Variants in EFCAB11 observed in about 807,000 individuals in gnomAD.
EFCAB11 encodes the protein EF-hand calcium binding domain 11.
Under a neutral mutation model 23.0 loss-of-function variants are expected in EFCAB11, and 14 were observed. The ratio of observed to expected loss-of-function variants is 0.61; its 90% CI spans 0.40 to 0.95. The LOEUF (loss-of-function observed/expected upper bound fraction) is 0.95. EFCAB11 is among the 40% of genes least tolerant of loss of function. EFCAB11 has a pLI of 0.00. For synonymous variants in EFCAB11, 65 were observed against 66.6 expected (o/e 0.98, Z 0.11); for missense variants, 198 against 195.8 (o/e 1.01, Z -0.07).
chr14:89,903,104 T>G (rs577589273), intron 5 of EFCAB11, among the ~76,000 whole-genome samples: 50 of 152,318 alleles, frequency 3.3e-4, no homozygotes, highest in Admixed American at 5.9e-4. Context: ...TGAATCTGGC[T>G]CTCCTACATG....
intron 5 of EFCAB11, among the ~76,000 whole-genome samples, chr14:89,899,091 GA>G (rs1230323891): frequency 6.6e-6 from 1 of 152,180 alleles, no homozygotes; most frequent in Non-Finnish European, 1.5e-5. Flanking sequence ...ATTGCCATCA[GA>G]ATAGCTAAAA....
intron 5 of EFCAB11, among the ~76,000 whole-genome samples, chr14:89,817,681 C>T (rs1047782189): frequency 6.6e-6 from 1 of 152,006 alleles, no homozygotes; most frequent in African/African-American, 2.4e-5. Context: ...TTAAAACACA[C>T]GAGAAAATTA....
intron 5 of EFCAB11, among the ~76,000 whole-genome samples, chr14:89,865,584 G>A (rs1013321687): frequency 2.6e-5 from 4 of 151,916 alleles, no homozygotes; most frequent in Non-Finnish European, 2.9e-5. Context: ...TCACTGCAGC[G>A]TCAACCTCCT....
intron 5 of EFCAB11, among the ~76,000 whole-genome samples, chr14:89,918,130 G>C (rs1375621756): frequency 6.6e-6 from 1 of 152,132 alleles, no homozygotes; most frequent in Non-Finnish European, 1.5e-5. Context: ...ATTATAAACA[G>C]AAGTGGGAAT....
At chr14:89,911,671 A>G (rs1438262568) in intron 5 of EFCAB11, among the ~76,000 whole-genome samples, 2 of 152,246 alleles carry the variant, frequency 1.3e-5, no homozygotes, top group Admixed American at 6.5e-5. Context: ...CCCAAGCACA[A>G]CAAAGCACCA....
At chr14:89,800,937 G>A (rs553765221) in intron 5 of EFCAB11, among the ~76,000 whole-genome samples, 5 of 152,014 alleles carry the variant, frequency 3.3e-5, no homozygotes, top group African/African-American at 9.7e-5. Context: ...CAGCTACTCG[G>A]GAGGCTGAGG....
Position 89,954,677 on chromosome 14 carries a change from G to C in EFCAB11, c.-17C>G, listed in dbSNP as rs945124450. On this transcript the variant is annotated 5_prime_UTR_variant, in exon 1 of 6. Coordinates refer to ENST00000316738, the MANE Select transcript of EFCAB11 (RefSeq NM_145231.4). ...GAAGAACATCGCGACTACAACAACC[G>C]AGCCCCAGCAACCCAACCAGCTACC... 6.2e-6 allele frequency: 10 copies of C among 1,608,066 alleles called. No homozygotes were observed. Among genetic ancestry groups the C allele is most frequent in the Non-Finnish European group, 8.5e-6 (10 of 1,178,782 alleles).
chr14:89,829,082 T>G (rs1490889242), intron 5 of EFCAB11, among the ~76,000 whole-genome samples: 1 of 152,216 alleles, frequency 6.6e-6, no homozygotes, highest in African/African-American at 2.4e-5. Context: ...TTTTTTCAAT[T>G]TTGTTGCTGA....
chr14:89,915,594 G>A (rs1401865357), intron 5 of EFCAB11, among the ~76,000 whole-genome samples: 2 of 152,144 alleles, frequency 1.3e-5, no homozygotes, highest in Non-Finnish European at 2.9e-5. Flanking sequence ...AATTAGAAAT[G>A]CATTTCTTTG....
intron 5 of EFCAB11, among the ~76,000 whole-genome samples, chr14:89,884,685 C>A (rs1035671403): frequency 2.0e-5 from 3 of 152,190 alleles, no homozygotes; most frequent in Non-Finnish European, 2.9e-5. Flanking sequence ...ATTACTAAGA[C>A]GAAGTACTAG....
intron 5 of EFCAB11, among the ~76,000 whole-genome samples, chr14:89,840,741 T>C (rs1341039156): frequency 6.6e-6 from 1 of 152,206 alleles, no homozygotes; most frequent in Non-Finnish European, 1.5e-5. Flanking sequence ...TAGGGATCTC[T>C]TAATGGCAGC....
intron 5 of EFCAB11, among the ~76,000 whole-genome samples, chr14:89,814,819 T>C (rs1306824320): frequency 6.6e-6 from 1 of 152,200 alleles, no homozygotes; most frequent in Non-Finnish European, 1.5e-5. Context: ...TCTGGATTCA[T>C]GGCACAGTCC....
chr14:89,851,690 C>T (rs776288790), intron 5 of EFCAB11, among the ~76,000 whole-genome samples: 1 of 152,156 alleles, frequency 6.6e-6, no homozygotes, highest in Non-Finnish European at 1.5e-5. Flanking sequence ...ATAAACAGGG[C>T]TCCTGTTTTA....
At chr14:89,941,986 TC>T (rs1260276278) in intron 3 of EFCAB11, among the ~76,000 whole-genome samples, 1 of 152,062 alleles carries the variant, frequency 6.6e-6, no homozygotes, top group Admixed American at 6.5e-5. Context: ...AGGGCTGACT[TC>T]CCCCTTGTTG....
At position 89,797,176 on chromosome 14, in the gene EFCAB11, A is replaced by T. The variant is rs1041216806; in HGVS notation, c.*67T>A. The T allele has an allele frequency of 7.1e-7, 1 of 1,413,876 alleles. No homozygotes were observed. The highest frequency in any genetic ancestry group is 9.9e-7 in the Non-Finnish European group (1 of 1,014,328). 87.6% of individuals were successfully genotyped at this position (1,413,876 alleles called of 1,614,324 possible). On this transcript the variant is annotated 3_prime_UTR_variant, in exon 6 of 6. Transcript: ENST00000316738. ...AAGTCTGTAGCATGACATCATTAGT[A>T]GAGTCGAGTCTGCTGACATTACAAT...
chr14:89,872,854 GACACAC>G (rs34058468), intron 5 of EFCAB11, among the ~76,000 whole-genome samples: 1 of 148,872 alleles, frequency 6.7e-6, no homozygotes, highest in East Asian at 2.0e-4. Flanking sequence ...AAGAGATTAG[GACACAC>G]ACACACACAC....
intron 5 of EFCAB11, among the ~76,000 whole-genome samples, chr14:89,800,188 TAAACAAACAAACAAAC>T (rs55693480): frequency 8.0e-5 from 12 of 149,894 alleles, no homozygotes; most frequent in East Asian, 2.0e-4. Context: ...CTCAATCTCG[TAAACAAACAAACAAAC>T]AAACAAACAA....
chr14:89,947,510 A>G (rs910430479), intron 3 of EFCAB11, among the ~76,000 whole-genome samples: 3 of 151,984 alleles, frequency 2.0e-5, no homozygotes, highest in Non-Finnish European at 4.4e-5. Context: ...TCTTCAACCC[A>G]CTCTGCCCTC....
rs553407313 is a variant in EFCAB11 at position 89,822,081 on chromosome 14, T to C, written c.411-24757A>G. Among the ~76,000 whole-genome samples the C allele has an allele frequency of 1.3e-4, 20 of 152,248 alleles. No individual in the cohort carries two copies. In the South Asian group the frequency reaches 3.9e-3, roughly 30 times the overall value. ...TAGATAAAATTTAATAACTCGAGGT[T>C]TTTTTTATGTTTACAACCACTGTGT... On this transcript the variant is annotated intron_variant, in intron 5 of 5. Coordinates refer to ENST00000316738, the MANE Select transcript of EFCAB11 (RefSeq NM_145231.4).
Sources: allele counts gnomAD v4.1 joint callset (sites outside exome capture counted in the v4.1 genomes callset), GRCh38; gene constraint gnomAD v4.1.1; transcripts MANE v1.5; gene names NCBI Gene and HGNC (gene_info 2026-07-23, HGNC 2026-07-21).